Variants in KIRREL3 observed in about 807,000 individuals in gnomAD.
The protein encoded by KIRREL3 is kirre like nephrin family adhesion molecule 3.
In KIRREL3, 36 loss-of-function variants were observed where a neutral mutation model predicts 89.7. That is an observed-to-expected ratio of 0.40 (90% CI 0.31 to 0.53). The LOEUF is 0.53. Among genes scored for constraint, KIRREL3 ranks in the 20% least tolerant of loss-of-function variants. The pLI is 0.49. For missense variants in KIRREL3, 864 were observed against 1,056.6 expected (o/e 0.82, Z 2.53); for synonymous variants, 445 against 441.4 (o/e 1.01, Z -0.10).
chr11:126,644,510 A>T (rs1269075086), intron 1 of KIRREL3, among the ~76,000 whole-genome samples: 1 of 152,154 alleles, frequency 6.6e-6, no homozygotes, highest in Non-Finnish European at 1.5e-5. Context: ...CTGGGACCTG[A>T]GGAGGTCAGA....
At chr11:126,702,330 A>G (rs959370934) in intron 1 of KIRREL3, among the ~76,000 whole-genome samples, 1 of 152,246 alleles carries the variant, frequency 6.6e-6, no homozygotes, top group East Asian at 1.9e-4. Flanking sequence ...TCTTTCCTTG[A>G]AAAATGCACA....
chr11:126,679,541 A>G (rs899614837), intron 1 of KIRREL3, among the ~76,000 whole-genome samples: 5 of 152,226 alleles, frequency 3.3e-5, no homozygotes, highest in Non-Finnish European at 7.3e-5. Context: ...AGGAAAGAGC[A>G]GAGCTAAGAT....
rs1946183040 is a variant in KIRREL3, at chr11:126,676,244, T to C, written c.56-113332A>G. On this transcript the variant is annotated intron_variant, in intron 1 of 16. Transcript: ENST00000525144. The surrounding 1 kb of genome is among the most constrained non-coding windows in gnomAD (Gnocchi z 4.5). ...TATCACGGGCAAAGATGAAATCAGC[T>C]AGGAAAGAAAGCACAGAACCATCAG... is the stretch of plus-strand genomic sequence containing the variant. Among the ~76,000 whole-genome samples, 1 of 152,090 alleles carries C rather than the reference T, an allele frequency of 6.6e-6. No individual in the cohort carries two copies. Among genetic ancestry groups the C allele is most frequent in the Non-Finnish European group, 1.5e-5 (1 of 68,024 alleles).
chr11:126,473,620 C>T (rs1022534723), intron 4 of KIRREL3, among the ~76,000 whole-genome samples, 154 bp from the exon 5 acceptor site: 10 of 152,146 alleles, frequency 6.6e-5, no homozygotes, highest in Admixed American at 1.3e-4. Flanking sequence ...ATGAGAGCAG[C>T]ACCCACAGTG....
At chr11:126,952,533 T>C (rs1630718) in intron 1 of KIRREL3, among the ~76,000 whole-genome samples, 14,653 of 152,262 alleles carry the variant, frequency 0.096, 811 homozygotes, top group Middle Eastern at 0.18. Context: ...TTTTAGGTTG[T>C]CTGTTCACTC....
At chr11:126,556,373 G>C (rs1479229466) in intron 2 of KIRREL3, among the ~76,000 whole-genome samples, 2 of 152,196 alleles carry the variant, frequency 1.3e-5, no homozygotes, top group African/African-American at 4.8e-5. Flanking sequence ...GGGTGCAGAG[G>C]CTCCTGTCTG....
At position 126,486,267 on chromosome 11, in the gene KIRREL3, G is replaced by T. The variant is rs539031475; in HGVS notation, c.434-12801C>A. 1.3e-5 allele frequency among the ~76,000 whole-genome samples: 2 copies of T among 152,226 alleles called. No individual in the cohort carries two copies. Among genetic ancestry groups the T allele is most frequent in the South Asian group, 4.1e-4 (2 of 4,826 alleles). ...AGCAAGGGTGAGAGGGCTTGGGAGA[G>T]GCCAGCAGAGAAGGGACAGTGGGGT... is the stretch of plus-strand genomic sequence containing the variant. On this transcript the variant is annotated intron_variant, in intron 4 of 16. Coordinates refer to ENST00000525144, the MANE Select transcript of KIRREL3 (RefSeq NM_032531.4). This position sits in a 1 kb window ranked among gnomAD's most constrained non-coding sequence, Gnocchi z 6.2.
chr11:126,906,327 T>A lies in KIRREL3; in HGVS notation c.55+94128A>T, dbSNP rs1467373915. Among the ~76,000 whole-genome samples the A allele has an allele frequency of 1.3e-5, 2 of 152,202 alleles. No homozygotes were observed. The highest frequency in any genetic ancestry group is 4.8e-5 in the African/African-American group (2 of 41,450). ...GAGCCACTTTTCGTTGTTTGCTTTCTTAAAAATAAGCATTAAAAGGTAGGG... is the reference window on the plus strand; with the variant it reads ...GAGCCACTTTTCGTTGTTTGCTTTCATAAAAATAAGCATTAAAAGGTAGGG... On this transcript the variant is annotated intron_variant, in intron 1 of 16. Transcript: ENST00000525144. This position sits in a 1 kb window ranked among gnomAD's most constrained non-coding sequence, Gnocchi z 4.1.
In KIRREL3 at chr11:126,989,095, G is replaced by T. The variant is rs1591433491; in HGVS notation, c.55+11360C>A. On this transcript the variant is annotated intron_variant, in intron 1 of 16. Coordinates refer to ENST00000525144, the MANE Select transcript of KIRREL3 (RefSeq NM_032531.4). The surrounding 1 kb of genome is among the most constrained non-coding windows in gnomAD (Gnocchi z 6.2). ...ATCTTTTAATTTGAGGAGGAGCTCA[G>T]TCCCCATTATTTTCAGTAAATTCTC... Among the ~76,000 whole-genome samples the T allele has an allele frequency of 6.6e-6, 1 of 152,134 alleles. No homozygotes were observed. The highest frequency in any genetic ancestry group is 2.4e-5 in the African/African-American group (1 of 41,438).
At chr11:126,833,813 G>T (rs1427744271) in intron 1 of KIRREL3, among the ~76,000 whole-genome samples, 1 of 152,158 alleles carries the variant, frequency 6.6e-6, no homozygotes, top group Admixed American at 6.5e-5. Context: ...TGTTTTTGCA[G>T]GTCTGATTAA....
chr11:126,552,718 G>A (rs923562525), intron 2 of KIRREL3, among the ~76,000 whole-genome samples: 1 of 151,734 alleles, frequency 6.6e-6, no homozygotes, highest in Non-Finnish European at 1.5e-5. Context: ...CTGCCACCAT[G>A]CCCAGCTAAT....
At chr11:126,707,141 T>TG (rs1947559921) in intron 1 of KIRREL3, among the ~76,000 whole-genome samples, 1 of 151,956 alleles carries the variant, frequency 6.6e-6, no homozygotes, top group Admixed American at 6.6e-5. Context: ...TTTGTTGAGA[T>TG]GGGGACCTTG....
At chr11:126,753,166 G>A (rs1211335359) in intron 1 of KIRREL3, among the ~76,000 whole-genome samples, 1 of 152,192 alleles carries the variant, frequency 6.6e-6, no homozygotes, top group Admixed American at 6.5e-5. Context: ...TAGGCTAAAA[G>A]TTCCCCAGGG....
At chr11:126,472,876 G>A (rs1459794798) in intron 5 of KIRREL3, among the ~76,000 whole-genome samples, 11 of 151,416 alleles carry the variant, frequency 7.3e-5, no homozygotes, top group Admixed American at 7.2e-4. Context: ...CAGGAGAGAG[G>A]GACAGCTGCA....
At position 126,778,070 on chromosome 11, in the gene KIRREL3, T is replaced by C. The variant is rs1950220628; in HGVS notation, c.56-215158A>G. Among the ~76,000 whole-genome samples, 1 of 150,170 alleles carries C rather than the reference T, an allele frequency of 6.7e-6. No homozygotes were observed. The highest frequency in any genetic ancestry group is 2.5e-5 in the African/African-American group (1 of 40,808). The stretch of plus-strand genomic sequence containing the variant: ...GAAAAAAAAAAAAAAAGAAAAACTA[T>C]AGACAATCCAAAAGAGCAAAATGAA... On this transcript the variant is annotated intron_variant, in intron 1 of 16. Coordinates refer to ENST00000525144, the MANE Select transcript of KIRREL3 (RefSeq NM_032531.4). This position sits in a 1 kb window ranked among gnomAD's most constrained non-coding sequence, Gnocchi z 4.5.
intron 1 of KIRREL3, among the ~76,000 whole-genome samples, chr11:126,722,358 AC>A (rs1948208923): frequency 6.6e-6 from 1 of 152,146 alleles, no homozygotes; most frequent in South Asian, 2.1e-4. Context: ...TTTTTTCCCT[AC>A]TGAAATTTGA....
chr11:126,440,637 A>C (rs1377194020), intron 10 of KIRREL3, 88 bp from the exon 11 acceptor site: 1 of 1,154,064 alleles, frequency 8.7e-7, no homozygotes, highest in South Asian at 1.3e-5. Flanking sequence ...TGTATTCATT[A>C]ATCCAAGCAT....
chr11:126,791,404 G>C lies in KIRREL3; in HGVS notation c.55+209051C>G, dbSNP rs1003391765. ...GCTTCCCAGGCTTCTGCTCACGGGA[G>C]CTTCAGCTTGGCCTCAGCTTATGCG... On this transcript the variant is annotated intron_variant, in intron 1 of 16. Transcript: ENST00000525144. The surrounding 1 kb of genome is among the most constrained non-coding windows in gnomAD (Gnocchi z 4.8). 6.6e-6 allele frequency among the ~76,000 whole-genome samples: 1 copy of C among 152,244 alleles called. No individual in the cohort carries two copies. The highest frequency in any genetic ancestry group is 2.4e-5 in the African/African-American group (1 of 41,456).
rs113776313 is a variant in KIRREL3 at position 126,837,047 on chromosome 11, G to C, written c.55+163408C>G. ...TTAAGTATTTTTTTGGGGGGCGGGG[G>C]GTTGAATGAATGAACTAACAAACAG... is the stretch of plus-strand genomic sequence containing the variant. On this transcript the variant is annotated intron_variant, in intron 1 of 16. Coordinates refer to ENST00000525144, the MANE Select transcript of KIRREL3 (RefSeq NM_032531.4). The surrounding 1 kb of genome is among the most constrained non-coding windows in gnomAD (Gnocchi z 4.7). 0.013 allele frequency among the ~76,000 whole-genome samples: 2,050 copies of C among 152,086 alleles called. 48 individuals are homozygous for C. The highest frequency in any genetic ancestry group is 0.047 in the African/African-American group (1,951 of 41,470).
Sources: gnomAD v4.1 joint callset for allele counts (sites outside exome capture counted in the v4.1 genomes callset) on GRCh38, gnomAD v4.1.1 for gene constraint, Gnocchi (gnomAD v3.1) non-coding constraint, MANE v1.5 for transcripts, NCBI Gene and HGNC (gene_info 2026-07-23, HGNC 2026-07-21) for gene names.